ELOVL5: variants seen among roughly 807,000 people sequenced by gnomAD.
ELOVL5 encodes ELOVL fatty acid elongase 5.
A neutral mutation model predicts 38.6 loss-of-function variants in ELOVL5; 8 were observed. That is an observed-to-expected ratio of 0.21 (90% CI 0.12 to 0.37). The LOEUF is 0.37. ELOVL5 is among the 10% of genes least tolerant of loss of function. The probability of loss-of-function intolerance (pLI) is 1.00; values close to 1 mark genes in which losing one functional copy is unlikely to be tolerated. For synonymous variants in ELOVL5, 127 were observed against 133.7 expected (o/e 0.95, Z 0.34); for missense variants, 280 against 367.8 (o/e 0.76, Z 1.95).
intron 1 of ELOVL5, among the ~76,000 whole-genome samples, chr6:53,332,599 G>A (rs1010705808): frequency 1.3e-5 from 2 of 152,168 alleles, no homozygotes; most frequent in Non-Finnish European, 2.9e-5. Flanking sequence ...AGAATGGAGA[G>A]GGAGTGAAAT....
chr6:53,279,660 G>T (rs547870940), intron 3 of ELOVL5, among the ~76,000 whole-genome samples: 3 of 152,312 alleles, frequency 2.0e-5, no homozygotes, highest in East Asian at 1.9e-4. Flanking sequence ...AATAAAGAGA[G>T]CTTCATAGTA....
chr6:53,339,418 T>G lies in ELOVL5; in HGVS notation c.-9+9399A>C, dbSNP rs545269051. Among the ~76,000 whole-genome samples, 23 of 152,346 alleles carry G rather than the reference T, an allele frequency of 1.5e-4. No individual in the cohort carries two copies. The East Asian group carries it at 4.2e-3, about 28-fold the overall frequency. ...AAGAGAACTGAAGGTGGTGGCAGACTTGTCTATAGCCTGAACACCATGGCC... is the reference window on the plus strand; with the variant it reads ...AAGAGAACTGAAGGTGGTGGCAGACGTGTCTATAGCCTGAACACCATGGCC... On this transcript the variant is annotated intron_variant, in intron 1 of 7. Transcript: ENST00000304434.
At chr6:53,275,411 G>A in intron 4 of ELOVL5, 150 bp from the exon 5 acceptor site, 4 of 726,072 alleles carry the variant, frequency 5.5e-6, no homozygotes, top group South Asian at 5.5e-5. Context: ...CAGTGGCTGG[G>A]AGCTATGGTC....
chr6:53,270,788 G>C lies in ELOVL5; in HGVS notation c.622-61C>G. 4 of 1,589,744 alleles carry C rather than the reference G, an allele frequency of 2.5e-6. No individual in the cohort carries two copies. The South Asian group carries it at 4.5e-5, about 18-fold the overall frequency. On this transcript the variant is annotated intron_variant, in intron 6 of 7. Transcript: ENST00000304434. ...AGTGCATGGACGAGGCCCCACACCAGGCAGACTTTTTAACCAGCATCACCT... is the reference window on the plus strand; with the variant it reads ...AGTGCATGGACGAGGCCCCACACCACGCAGACTTTTTAACCAGCATCACCT...
At chr6:53,318,696 C>T (rs1768154617) in intron 1 of ELOVL5, among the ~76,000 whole-genome samples, 1 of 151,398 alleles carries the variant, frequency 6.6e-6, no homozygotes. Flanking sequence ...GCTGTGACTG[C>T]GCTACTGCAC....
intron 1 of ELOVL5, among the ~76,000 whole-genome samples, chr6:53,343,941 G>C (rs1769432872): frequency 6.6e-6 from 1 of 152,186 alleles, no homozygotes; most frequent in African/African-American, 2.4e-5. Flanking sequence ...GGTAACATTG[G>C]GGCTTTCCTT....
At chr6:53,340,456 A>G (rs1769279274) in intron 1 of ELOVL5, among the ~76,000 whole-genome samples, 1 of 152,188 alleles carries the variant, frequency 6.6e-6, no homozygotes, top group African/African-American at 2.4e-5. Flanking sequence ...AGTGTACAGT[A>G]AAGTCCTAGG....
At chr6:53,313,932 C>T (rs1362377125) in intron 1 of ELOVL5, among the ~76,000 whole-genome samples, 1 of 152,186 alleles carries the variant, frequency 6.6e-6, no homozygotes, top group Admixed American at 6.5e-5. Flanking sequence ...GCTGTTCAAC[C>T]CCCACAGCTC....
At chr6:53,270,025 C>T (rs959410152) in intron 7 of ELOVL5, among the ~76,000 whole-genome samples, 3 of 152,194 alleles carry the variant, frequency 2.0e-5, no homozygotes, top group African/African-American at 4.8e-5. Flanking sequence ...TGGGGGGTGA[C>T]GCATGGCAGG....
At chr6:53,307,580 T>C (rs1373591374) in intron 1 of ELOVL5, among the ~76,000 whole-genome samples, 3 of 152,256 alleles carry the variant, frequency 2.0e-5, no homozygotes, top group African/African-American at 7.2e-5. Context: ...TGGAGTTCCC[T>C]GCAAGGTCCA....
chr6:53,327,868 T>C (rs1214774864), intron 1 of ELOVL5, among the ~76,000 whole-genome samples: 1 of 152,206 alleles, frequency 6.6e-6, no homozygotes. Context: ...ATGCTTTTTT[T>C]CTGCTGACAA....
At position 53,326,483 on chromosome 6, in the gene ELOVL5, G is replaced by A. The variant is rs141679734; in HGVS notation, c.-9+22334C>T. ...TTGCTCACTGCCCCCAACCCCACCC[G>A]TTTCCTTTTCACATTCTGCAGTGTG... On this transcript the variant is annotated intron_variant, in intron 1 of 7. Coordinates refer to ENST00000304434, the MANE Select transcript of ELOVL5 (RefSeq NM_021814.5). Among the ~76,000 whole-genome samples the A allele has an allele frequency of 9.9e-5, 15 of 151,958 alleles. No individual in the cohort carries two copies. The East Asian group carries it at 1.9e-3, about 20-fold the overall frequency.
intron 2 of ELOVL5, among the ~76,000 whole-genome samples, chr6:53,293,454 A>G (rs1475912120): frequency 2.0e-5 from 3 of 152,032 alleles, no homozygotes; most frequent in African/African-American, 4.8e-5. Flanking sequence ...AGTAGCTGGG[A>G]CTATAGACAC....
chr6:53,338,013 G>A (rs1769154044), intron 1 of ELOVL5, among the ~76,000 whole-genome samples: 2 of 152,270 alleles, frequency 1.3e-5, no homozygotes, highest in African/African-American at 2.4e-5. Flanking sequence ...AACAGGGGAG[G>A]TATGTGGGGC....
rs182065078 is a variant in ELOVL5, at chr6:53,277,187, T to A, written c.247-931A>T. 2.0e-5 allele frequency: 3 copies of A among 153,826 alleles called. No individual in the cohort carries two copies. In the East Asian group the frequency reaches 5.9e-4, roughly 30 times the overall value. 9.5% of individuals were successfully genotyped at this position (153,826 alleles called of 1,614,324 possible). On this transcript the variant is annotated intron_variant, in intron 3 of 7. Coordinates refer to ENST00000304434, the MANE Select transcript of ELOVL5 (RefSeq NM_021814.5). ...ATTACAAGGATCTGAAGACACCTTG[T>A]GATATTTCCACCTGGTCTGACATCA...
Position 53,276,170 on chromosome 6 carries a change from A to G in ELOVL5, c.324+9T>C, listed in dbSNP as rs1766111948. 6.3e-7 allele frequency: 1 copy of G among 1,592,814 alleles called. No individual in the cohort carries two copies. ...TATAATAATAAAGTTTCTGAAAAAGAGACAGTACCTTCATATCTGATTCTC... is the reference window on the plus strand; with the variant it reads ...TATAATAATAAAGTTTCTGAAAAAGGGACAGTACCTTCATATCTGATTCTC... On this transcript the variant is annotated intron_variant, in intron 4 of 7. Coordinates refer to ENST00000304434, the MANE Select transcript of ELOVL5 (RefSeq NM_021814.5).
At position 53,324,672 on chromosome 6, in the gene ELOVL5, C is replaced by CAAAAAAAAAAAA. The variant is rs200304234; in HGVS notation, c.-9+24133_-9+24144dup. Reference sequence around the variant, plus strand: ...CCTGGTGACAAGAGGGAGATCCTGTCAAAAAAAAAAAAAAAAAAAGGAAAA... The same window carrying CAAAAAAAAAAAA: ...CCTGGTGACAAGAGGGAGATCCTGTCAAAAAAAAAAAAAAAAAAAAAAAAAAAAAAAGGAAAA... On this transcript the variant is annotated intron_variant, in intron 1 of 7. Transcript: ENST00000304434. Among the ~76,000 whole-genome samples the CAAAAAAAAAAAA allele has an allele frequency of 1.3e-3, 105 of 80,360 alleles. 3 individuals are homozygous for CAAAAAAAAAAAA. Among genetic ancestry groups the CAAAAAAAAAAAA allele is most frequent in the African/African-American group, 7.5e-3 (93 of 12,354 alleles). 52.7% of individuals were successfully genotyped at this position (80,360 alleles called of 152,430 possible).
In ELOVL5 at chr6:53,336,024, G is replaced by A. The variant is rs548629434; in HGVS notation, c.-9+12793C>T. Among the ~76,000 whole-genome samples the A allele has an allele frequency of 1.1e-4, 16 of 152,226 alleles. No homozygotes were observed. The East Asian group carries it at 3.1e-3, about 29-fold the overall frequency. On this transcript the variant is annotated intron_variant, in intron 1 of 7. Coordinates refer to ENST00000304434, the MANE Select transcript of ELOVL5 (RefSeq NM_021814.5). ...AGATACACACTTCTACTTTGTTTTG[G>A]GATACCATTATTCAAACCACTATTA... is the stretch of plus-strand genomic sequence containing the variant.
chr6:53,330,126 T>C (rs1014860680), intron 1 of ELOVL5, among the ~76,000 whole-genome samples: 4 of 152,234 alleles, frequency 2.6e-5, no homozygotes, highest in Non-Finnish European at 5.9e-5. Flanking sequence ...TATGGCCTAC[T>C]ACACATGCAG....
Sources: gnomAD v4.1 joint callset for allele counts (sites outside exome capture counted in the v4.1 genomes callset) on GRCh38, gnomAD v4.1.1 for gene constraint, MANE v1.5 for transcripts, NCBI Gene and HGNC (gene_info 2026-07-23, HGNC 2026-07-21) for gene names.